Variants in BTG4 observed in about 807,000 individuals in gnomAD.
The protein encoded by BTG4 is protein BTG4.
BTG4 carries 10 observed loss-of-function variants against 19.3 expected under a neutral mutation model. The observed-to-expected ratio is 0.52, with a 90% CI of 0.32 to 0.88. The LOEUF (loss-of-function observed/expected upper bound fraction) is 0.88. Ranked by LOEUF, BTG4 falls within the 40% of genes least tolerant of loss-of-function variation. The pLI is 0.04. For missense variants in BTG4, 238 were observed against 281.9 expected (o/e 0.84, Z 1.11); for synonymous variants, 91 against 95.7 (o/e 0.95, Z 0.29).
chr11:111,511,615 G>A (rs1866923445), intron 1 of BTG4, among the ~76,000 whole-genome samples: 2 of 152,210 alleles, frequency 1.3e-5, no homozygotes, highest in Non-Finnish European at 2.9e-5. Context: ...AGGATAAAGA[G>A]AACATTCCTT....
At chr11:111,481,517 T>C (rs539278021) in intron 5 of BTG4, among the ~76,000 whole-genome samples, 15 of 151,794 alleles carry the variant, frequency 9.9e-5, no homozygotes, top group East Asian at 3.9e-4. Flanking sequence ...CCAAAGATAG[T>C]ACAAAAAATT....
chr11:111,455,855 C>T, the BTG4 span: 1 of 455,726 alleles, frequency 2.2e-6, no homozygotes, highest in Non-Finnish European at 4.4e-6. Context: ...GGCACCGGCA[C>T]TGGGGCGGAG....
upstream of BTG4, chr11:111,514,645 C>A (rs1048913819): frequency 2.3e-5 from 15 of 649,836 alleles, no homozygotes; most frequent in Non-Finnish European, 4.0e-5. Flanking sequence ...CCCCCACGCG[C>A]GTGGCGGATC....
At chr11:111,480,291 C>T (rs1465887385) in intron 5 of BTG4, among the ~76,000 whole-genome samples, 1 of 152,014 alleles carries the variant, frequency 6.6e-6, no homozygotes, top group Admixed American at 6.6e-5. Flanking sequence ...GAATACATAG[C>T]AGTCCTAAAT....
the BTG4 span, among the ~76,000 whole-genome samples, chr11:111,451,564 A>G: frequency 6.6e-6 from 1 of 152,198 alleles, no homozygotes; most frequent in Admixed American, 6.5e-5. Context: ...CGGAAGTTCG[A>G]GACCAGCCTG....
At chr11:111,510,393 A>G (rs532254206) in intron 1 of BTG4, among the ~76,000 whole-genome samples, 23 of 152,228 alleles carry the variant, frequency 1.5e-4, no homozygotes, top group African/African-American at 4.8e-4. Context: ...CTCCCTAATC[A>G]CCAAAAGCCC....
chr11:111,504,670 A>G (rs1866327024), intron 1 of BTG4, among the ~76,000 whole-genome samples: 1 of 152,106 alleles, frequency 6.6e-6, no homozygotes, highest in South Asian at 2.1e-4. Context: ...GAAAAGTAGA[A>G]GTCAAATTAT....
chr11:111,513,682 GGTTTT>G (rs1011675606), upstream of BTG4, among the ~76,000 whole-genome samples: 8 of 152,016 alleles, frequency 5.3e-5, no homozygotes, highest in Non-Finnish European at 8.8e-5. Context: ...ATGTATGTGG[GGTTTT>G]GTTTTGTTTT....
At chr11:111,471,092 C>G (rs1295303045) in intron 5 of BTG4, among the ~76,000 whole-genome samples, 7 of 152,172 alleles carry the variant, frequency 4.6e-5, no homozygotes, top group Non-Finnish European at 8.8e-5. Context: ...TTATATCAAA[C>G]TATAATTTTC....
At chr11:111,510,209 C>CT (rs1293102975) in intron 1 of BTG4, among the ~76,000 whole-genome samples, 1 of 152,158 alleles carries the variant, frequency 6.6e-6, no homozygotes, top group Non-Finnish European at 1.5e-5. Flanking sequence ...AACCCCCGGC[C>CT]TGTCTCCACC....
the BTG4 span, among the ~76,000 whole-genome samples, chr11:111,440,820 G>T: frequency 6.6e-6 from 1 of 152,336 alleles, no homozygotes; most frequent in East Asian, 1.9e-4. Flanking sequence ...TGTAGAGAAG[G>T]GTTGTCACTA....
chr11:111,461,493 G>C, the BTG4 span, among the ~76,000 whole-genome samples: 1 of 152,146 alleles, frequency 6.6e-6, no homozygotes, highest in Non-Finnish European at 1.5e-5. Flanking sequence ...GGCAGAGGTG[G>C]GAGGATCACC....
chr11:111,411,080 T>C, the BTG4 span, among the ~76,000 whole-genome samples: 148,267 of 152,340 alleles, frequency 0.97, 72,318 homozygotes, highest in East Asian at 1. Flanking sequence ...CTAATTTTGT[T>C]CTTCCACAGT....
the BTG4 span, among the ~76,000 whole-genome samples, chr11:111,425,472 G>A: frequency 5.3e-5 from 8 of 152,180 alleles, no homozygotes; most frequent in Non-Finnish European, 1.2e-4. Flanking sequence ...GTTAGCAATG[G>A]AGAGTTAATG....
At chr11:111,394,343 C>T in the BTG4 span, among the ~76,000 whole-genome samples, 1 of 152,178 alleles carries the variant, frequency 6.6e-6, no homozygotes, top group Non-Finnish European at 1.5e-5. Flanking sequence ...GTGGGAGGGA[C>T]CCCATGGGAG....
intron 5 of BTG4, among the ~76,000 whole-genome samples, chr11:111,475,560 A>G (rs1371260382): frequency 6.6e-6 from 1 of 152,122 alleles, no homozygotes; most frequent in East Asian, 1.9e-4. Context: ...GAAACACCAC[A>G]AAGAGATAAG....
At chr11:111,398,150 GA>G in the BTG4 span, 1 of 152,132 alleles carries the variant, frequency 6.6e-6, no homozygotes, top group Non-Finnish European at 1.5e-5. Flanking sequence ...CTTTCCTACC[GA>G]AAGAAAAGGC....
chr11:111,472,078 G>T (rs1478108831), intron 5 of BTG4, among the ~76,000 whole-genome samples: 1 of 152,160 alleles, frequency 6.6e-6, no homozygotes, highest in African/African-American at 2.4e-5. Context: ...GCTTCCTCAA[G>T]TCCACCCTTG....
chr11:111,504,016 C>T (rs1866271967), intron 1 of BTG4, among the ~76,000 whole-genome samples: 3 of 152,070 alleles, frequency 2.0e-5, no homozygotes, highest in Admixed American at 2.0e-4. Flanking sequence ...ATTTGCTGGA[C>T]TTGTGATGTA....
Sources: allele counts gnomAD v4.1 joint callset (sites outside exome capture counted in the v4.1 genomes callset), GRCh38; gene constraint gnomAD v4.1.1; transcripts MANE v1.5; gene names NCBI Gene and HGNC (gene_info 2026-07-23, HGNC 2026-07-21).